Variants in HS6ST3 observed in about 807,000 individuals in gnomAD.
The protein encoded by HS6ST3 is heparan sulfate 6-O-sulfotransferase 3.
Under a neutral mutation model 36.7 loss-of-function variants are expected in HS6ST3, and 12 were observed. The observed-to-expected ratio is 0.33, with a 90% CI of 0.21 to 0.53. HS6ST3 has a LOEUF of 0.53. HS6ST3 is among the 20% of genes least tolerant of loss of function. The pLI is 0.95. For missense variants in HS6ST3, 584 were observed against 640.9 expected, an observed-to-expected ratio of 0.91 and a Z score of 0.96; for synonymous variants, 240 against 257.5, an observed-to-expected ratio of 0.93 and a Z score of 0.65.
chr13:96,435,462 G>A (rs2055636816), intron 1 of HS6ST3, among the ~76,000 whole-genome samples: 1 of 152,028 alleles, frequency 6.6e-6, no homozygotes, highest in Admixed American at 6.6e-5. Context: ...TCCTTTGTGA[G>A]GCCTTTCCAG....
chr13:96,617,453 A>G (rs1223213376), intron 1 of HS6ST3, among the ~76,000 whole-genome samples: 1 of 152,204 alleles, frequency 6.6e-6, no homozygotes, highest in Non-Finnish European at 1.5e-5. Flanking sequence ...TCATGGTTGA[A>G]TTGCATTTTA....
intron 1 of HS6ST3, among the ~76,000 whole-genome samples, chr13:96,631,057 A>T (rs1433134305): frequency 6.6e-6 from 1 of 152,224 alleles, no homozygotes; most frequent in Non-Finnish European, 1.5e-5. Context: ...ACGTATAAGC[A>T]CAAATGCATA....
intron 1 of HS6ST3, among the ~76,000 whole-genome samples, chr13:96,737,144 GAGAA>G (rs1339289417): frequency 6.6e-6 from 1 of 152,062 alleles, no homozygotes; most frequent in Non-Finnish European, 1.5e-5. Flanking sequence ...AGTTTAAACA[GAGAA>G]AGAGAGAAAG....
At chr13:96,347,945 C>G (rs1240332306) in intron 1 of HS6ST3, among the ~76,000 whole-genome samples, 1 of 152,140 alleles carries the variant, frequency 6.6e-6, no homozygotes, top group East Asian at 1.9e-4. Flanking sequence ...CCAATTAAAG[C>G]AAGGAACATA....
intron 1 of HS6ST3, among the ~76,000 whole-genome samples, chr13:96,370,663 G>C (rs1159630961): frequency 6.6e-6 from 1 of 152,170 alleles, no homozygotes; most frequent in African/African-American, 2.4e-5. Flanking sequence ...TGTAATCCCA[G>C]CAATTTGGGA....
chr13:96,206,594 C>G (rs1364810829), intron 1 of HS6ST3, among the ~76,000 whole-genome samples: 5 of 152,146 alleles, frequency 3.3e-5, no homozygotes, highest in Non-Finnish European at 7.4e-5. Context: ...CAGCATGGTG[C>G]TGGTACAAGA....
intron 1 of HS6ST3, among the ~76,000 whole-genome samples, chr13:96,730,970 G>A (rs948730848): frequency 1.3e-5 from 2 of 151,990 alleles, no homozygotes; most frequent in South Asian, 2.1e-4. Flanking sequence ...GGGCTCAAGC[G>A]ATCCTCCTGA....
At chr13:96,198,255 C>T (rs181382090) in intron 1 of HS6ST3, among the ~76,000 whole-genome samples, 11 of 152,252 alleles carry the variant, frequency 7.2e-5, no homozygotes, top group East Asian at 5.8e-4. Context: ...CCCACGAAAC[C>T]GCTTTTTCCT....
At chr13:96,656,315 G>T (rs1312898633) in intron 1 of HS6ST3, among the ~76,000 whole-genome samples, 1 of 152,112 alleles carries the variant, frequency 6.6e-6, no homozygotes, top group African/African-American at 2.4e-5. Flanking sequence ...TTTCTCAGAT[G>T]ATTTACAAGT....
chr13:96,179,175 G>C (rs1014741985), intron 1 of HS6ST3, among the ~76,000 whole-genome samples: 1 of 152,162 alleles, frequency 6.6e-6, no homozygotes, highest in African/African-American at 2.4e-5. Context: ...AGTTGAGTGT[G>C]AGTGTGCCAT....
Position 96,544,104 on chromosome 13 carries a change from A to G in HS6ST3, c.708-288386A>G, listed in dbSNP as rs111474317. On this transcript the variant is annotated intron_variant, in intron 1 of 1. Transcript: ENST00000376705. ...CCTACATCCACAGAATGGCATAGCA[A>G]CAAAAGGGCAAGTGCCTAGAACCAG... Among the ~76,000 whole-genome samples the G allele has an allele frequency of 9.6e-3, 1,468 of 152,288 alleles. 12 individuals carry two copies. The highest frequency in any genetic ancestry group is 0.016 in the Non-Finnish European group (1,105 of 68,030).
At chr13:96,672,611 T>C (rs1397612584) in intron 1 of HS6ST3, among the ~76,000 whole-genome samples, 1 of 152,136 alleles carries the variant, frequency 6.6e-6, no homozygotes, top group African/African-American at 2.4e-5. Flanking sequence ...ATCTCAATCC[T>C]TCTTTCTTGG....
chr13:96,739,644 T>C (rs1594849236), intron 1 of HS6ST3, among the ~76,000 whole-genome samples: 1 of 152,210 alleles, frequency 6.6e-6, no homozygotes, highest in East Asian at 1.9e-4. Context: ...ATCGGACCAT[T>C]TCTCACCATG....
intron 1 of HS6ST3, among the ~76,000 whole-genome samples, chr13:96,117,476 G>C (rs1261265007): frequency 1.3e-5 from 2 of 152,186 alleles, no homozygotes; most frequent in African/African-American, 4.8e-5. Context: ...TCAGGACCAG[G>C]CATTTACATT....
At chr13:96,399,392 C>T (rs77498890) in intron 1 of HS6ST3, among the ~76,000 whole-genome samples, 4,647 of 152,200 alleles carry the variant, frequency 0.031, 122 homozygotes, top group East Asian at 0.062. Context: ...TCACATATGA[C>T]GTGTCTGTAA....
intron 1 of HS6ST3, among the ~76,000 whole-genome samples, chr13:96,712,868 G>A (rs972763969): frequency 7.9e-5 from 12 of 152,262 alleles, no homozygotes; most frequent in Middle Eastern, 3.4e-3. Context: ...TCTAAAGGGA[G>A]AAAAGAACAG....
At chr13:96,779,108 G>A (rs796822248) in intron 1 of HS6ST3, among the ~76,000 whole-genome samples, 187 of 152,188 alleles carry the variant, frequency 1.2e-3, no homozygotes, top group African/African-American at 3.9e-3. Context: ...TCATAAGTGG[G>A]AGTTGAGTGA....
chr13:96,581,137 AT>A (rs2056340444), intron 1 of HS6ST3, among the ~76,000 whole-genome samples: 1 of 152,172 alleles, frequency 6.6e-6, no homozygotes, highest in Admixed American at 6.5e-5. Flanking sequence ...CTAGTATACC[AT>A]TTGAAAAAGG....
chr13:96,657,690 G>A (rs893999084), intron 1 of HS6ST3, among the ~76,000 whole-genome samples: 2 of 152,120 alleles, frequency 1.3e-5, no homozygotes, highest in African/African-American at 2.4e-5. Context: ...CGGTGGACAT[G>A]CTAATACCAG....
Sources: allele counts gnomAD v4.1 joint callset (sites outside exome capture counted in the v4.1 genomes callset), GRCh38; gene constraint gnomAD v4.1.1; transcripts MANE v1.5; gene names NCBI Gene and HGNC (gene_info 2026-07-23, HGNC 2026-07-21).